The following IDUA variants were observed in gnomAD, a reference collection of about 807,000 sequenced individuals.
IDUA encodes the protein alpha-L-iduronidase, also known as iduronidase alpha-L-.
A neutral mutation model predicts 68.9 loss-of-function variants in IDUA; 65 were observed. That is an observed-to-expected ratio of 0.94 (90% CI 0.77 to 1.16). The LOEUF (loss-of-function observed/expected upper bound fraction) is 1.16, where lower values mean the gene tolerates loss of function less well. Among genes scored for constraint, IDUA ranks in the 50% most tolerant of loss-of-function variants. The probability of loss-of-function intolerance (pLI) is 0.00; values close to 1 mark genes in which losing one functional copy is unlikely to be tolerated. For synonymous variants in IDUA, 529 were observed against 433.6 expected, an observed-to-expected ratio of 1.22 and a Z score of -2.73; for missense variants, 1,046 against 938.0, an observed-to-expected ratio of 1.12 and a Z score of -1.50.
rs778314567 is a variant in IDUA, at chr4:1,003,107, C to T, written c.1474C>T (p.Arg492Trp). ...SPDGEWRRLG[R>W]PVFPTAEQFR... is the part of the protein sequence containing the mutation. ...CGACGGCGAGTGGCGGCGCCTGGGC[C>T]GGCCCGTCTTCCCCACGGCAGAGCA... The change falls in exon 10 of 14, where the codon CGG (arginine) becomes TGG (tryptophan). Residue 492 changes from arginine (R) to tryptophan (W), a missense_variant. Transcript: ENST00000514224. 3 of 1,513,958 alleles carry T rather than the reference C, an allele frequency of 2.0e-6. No homozygotes were observed. Among genetic ancestry groups the T allele is most frequent in the African/African-American group, 1.4e-5 (1 of 69,812 alleles). The allele number at this position is 1,513,958 out of a possible 1,614,324, so 93.8% of individuals were successfully genotyped here.
In IDUA at chr4:1,002,873, A is replaced by G. The variant is rs1316884593; in HGVS notation, c.1331A>G (p.Asp444Gly). Reference sequence around the variant, plus strand: ...GCCGCGGTGCTGATCTACGCGAGCGACGACACCCGCGCCCACCCCAACCGC... The same window carrying G: ...GCCGCGGTGCTGATCTACGCGAGCGGCGACACCCGCGCCCACCCCAACCGC... Reference protein sequence around the residue: ...WRAAVLIYASDDTRAHPNRSV... With the variant: ...WRAAVLIYASGDTRAHPNRSV... Residue 444 changes from aspartate to glycine, a missense_variant, in exon 9 of 14, where the codon GAC becomes GGC. By Grantham distance (94) the Asp-to-Gly change is moderately conservative. Transcript: ENST00000514224. The G allele has an allele frequency of 2.8e-6, 4 of 1,442,282 alleles. No homozygotes were observed. Among genetic ancestry groups the G allele is most frequent in the Non-Finnish European group, 3.6e-6 (4 of 1,103,618 alleles). The allele number at this position is 1,442,282 out of a possible 1,614,324, so 89.3% of individuals were successfully genotyped here. A position where few individuals can be genotyped will look rare whatever the true frequency, so the allele number is the denominator to read the frequency against.
intron 5 of IDUA, 39 bp from the exon 6 acceptor site, chr4:1,001,640 C>T (rs1278431493): frequency 2.5e-6 from 4 of 1,606,178 alleles, no homozygotes; most frequent in East Asian, 4.5e-5. Flanking sequence ...AGCCGCTCAT[C>T]CCCAGGGCAG....
chr4:990,211 C>T (rs1198495560), intron 2 of IDUA: 3 of 1,563,542 alleles, frequency 1.9e-6, no homozygotes, highest in Middle Eastern at 1.7e-4. Context: ...GACCACCATG[C>T]CGGGCCCCTG....
intron 4 of IDUA, 135 bp from the exon 5 acceptor site, chr4:1,001,333 G>A: frequency 3.6e-6 from 3 of 823,832 alleles, no homozygotes; most frequent in African/African-American, 3.3e-5. Flanking sequence ...TCCTGATGTG[G>A]GGCGGGAGGC....
chr4:1,000,861 G>A (rs922264608), intron 3 of IDUA, 21 bp from the exon 4 acceptor site: 1 of 1,599,150 alleles, frequency 6.3e-7, no homozygotes, highest in Non-Finnish European at 8.6e-7. Flanking sequence ...TGGGCGGTGG[G>A]GCAGCCCTCC....
rs1715173905 is a variant in IDUA, at chr4:1,002,718, C to G, written c.1190-14C>G. On this transcript the variant is annotated splice_polypyrimidine_tract_variant and intron_variant, in intron 8 of 13. Transcript: ENST00000514224. Reference sequence around the variant, plus strand: ...AACGACCCCACGCGGCGACGGCCCCCCCCCGCCCCGCAGATGAGGAGCAGC... The same window carrying G: ...AACGACCCCACGCGGCGACGGCCCCGCCCCGCCCCGCAGATGAGGAGCAGC... 6.9e-7 allele frequency: 1 copy of G among 1,443,524 alleles called. No individual in the cohort carries two copies. The highest frequency in any genetic ancestry group is 2.9e-5 in the East Asian group (1 of 34,940). 89.4% of individuals were successfully genotyped at this position (1,443,524 alleles called of 1,614,324 possible).
At position 1,002,004 on chromosome 4, in the gene IDUA, T is replaced by C. The variant is rs376573681; in HGVS notation, c.815T>C (p.Ile272Thr). 4 of 1,592,504 alleles carry C rather than the reference T, an allele frequency of 2.5e-6. No homozygotes were observed. Among genetic ancestry groups the C allele is most frequent in the Non-Finnish European group, 3.4e-6 (4 of 1,171,382 alleles). ...HRKGARSSIS[I>T]LEQEKVVAQQ... The stretch of plus-strand genomic sequence containing the variant: ...CAGGGTGCGCGCAGCTCCATCTCCA[T>C]CCTGGAGCAGGAGAAGGTCGTCGCG... The change falls in exon 7 of 14, where the codon ATC becomes ACC. Residue 272 changes from isoleucine (I) to threonine (T), a missense_variant. Transcript: ENST00000514224.
At chr4:991,122 C>T in intron 2 of IDUA, 1 of 1,532,272 alleles carries the variant, frequency 6.5e-7, no homozygotes, top group Non-Finnish European at 8.8e-7. Flanking sequence ...AAGCAGGGCT[C>T]CTCACCTGGT....
Position 989,888 on chromosome 4 carries a change from C to T in IDUA, c.299+1939C>T, listed in dbSNP as rs757517635. On this transcript the variant is annotated intron_variant, in intron 2 of 13. Transcript: ENST00000514224. ...AGCGAGATGGAGAAGGCGGCAGCCA[C>T]GAGGGCCAGGGCCACGGCATCCAAA... is the stretch of plus-strand genomic sequence containing the variant. 2.3e-5 allele frequency: 36 copies of T among 1,569,796 alleles called. No individual in the cohort carries two copies. The highest frequency in any genetic ancestry group is 2.9e-5 in the Non-Finnish European group (34 of 1,158,466).
chr4:1,002,153 G>C lies in IDUA; in HGVS notation c.964G>C (p.Val322Leu). 2 of 1,556,952 alleles carry C rather than the reference G, an allele frequency of 1.3e-6. No individual in the cohort carries two copies. The highest frequency in any genetic ancestry group is 1.7e-6 in the Non-Finnish European group (2 of 1,150,642). Residue 322 changes from valine (V) to leucine (L), a missense_variant, in exon 7 of 14, where the codon GTG becomes CTG. Transcript: ENST00000514224. The stretch of plus-strand genomic sequence containing the variant: ...GGCGGACGTGACCTACGCGGCCATG[G>C]TGGTGAAGGTGGGCCGGCCCAACGC... ...WRADVTYAAM[V>L]VKVIAQHQNL...
rs757152375 is a variant in IDUA, at chr4:989,441, T to C, written c.299+1492T>C. On this transcript the variant is annotated intron_variant, in intron 2 of 13. Transcript: ENST00000514224. The stretch of plus-strand genomic sequence containing the variant: ...GGGCGTTGGGTGCGGCCGGCCAGGC[T>C]GAGCAGCGAGAGGATGACGCCAGCC... 4 of 1,554,258 alleles carry C rather than the reference T, an allele frequency of 2.6e-6. No homozygotes were observed. In the South Asian group the frequency reaches 4.7e-5, roughly 18 times the overall value.
At chr4:993,859 C>T (rs565103874) in intron 2 of IDUA, among the ~76,000 whole-genome samples, 6 of 152,316 alleles carry the variant, frequency 3.9e-5, no homozygotes, top group East Asian at 1.9e-4. Flanking sequence ...CCAAGGCTGC[C>T]GGTGCGTGCA....
intron 2 of IDUA, chr4:988,648 G>T: frequency 7.2e-7 from 1 of 1,398,594 alleles, no homozygotes; most frequent in Non-Finnish European, 9.2e-7. Flanking sequence ...TGAGTGTTTG[G>T]GTCCTGCGTG....
At chr4:990,073 C>T (rs1432207041) in intron 2 of IDUA, 12 of 1,601,334 alleles carry the variant, frequency 7.5e-6, no homozygotes, top group Non-Finnish European at 1.0e-5. Flanking sequence ...CAGCGGCACC[C>T]TCAGGCGGTG....
In IDUA at chr4:1,004,551, C is replaced by G; in HGVS notation, c.*158C>G. ...GGTACCAACGCCCCCTTTAAAGCGG[C>G]TTTGCACAGGTCAGTCTCGGGTTGA... On this transcript the variant is annotated 3_prime_UTR_variant, in exon 14 of 14. Coordinates refer to ENST00000514224, the MANE Select transcript of IDUA (RefSeq NM_000203.5). The surrounding 1 kb of genome is among the most constrained non-coding windows in gnomAD (Gnocchi z 5.0). 1 of 745,498 alleles carries G rather than the reference C, an allele frequency of 1.3e-6. No homozygotes were observed. The highest frequency in any genetic ancestry group is 2.1e-6 in the Non-Finnish European group (1 of 476,786). The allele number at this position is 745,498 out of a possible 1,614,324, so 46.2% of individuals were successfully genotyped here.
Position 1,001,882 on chromosome 4 carries a change from G to A in IDUA, c.792+1G>A, listed in dbSNP as rs1337854089. 1 of 1,579,818 alleles carries A rather than the reference G, an allele frequency of 6.3e-7. No individual in the cohort carries two copies. Among genetic ancestry groups the A allele is most frequent in the Non-Finnish European group, 8.6e-7 (1 of 1,164,816 alleles). On this transcript the variant is annotated splice_donor_variant, in intron 6 of 13. Coordinates refer to ENST00000514224, the MANE Select transcript of IDUA (RefSeq NM_000203.5). LOFTEE classifies it high-confidence loss of function. Reference sequence around the variant, plus strand: ...GGACTACATCTCCCTCCACAGGAAGGTGCGCCCTGCCCCTCCGTCCGCCCC... The same window carrying A: ...GGACTACATCTCCCTCCACAGGAAGATGCGCCCTGCCCCTCCGTCCGCCCC...
intron 2 of IDUA, among the ~76,000 whole-genome samples, chr4:999,486 A>G (rs560623740): frequency 3.1e-4 from 47 of 152,356 alleles, no homozygotes; most frequent in African/African-American, 7.5e-4. Context: ...GTCCCGTTGC[A>G]TGGTAGCCTT....
At chr4:998,567 C>T (rs1426551114) in intron 2 of IDUA, among the ~76,000 whole-genome samples, 5 of 152,164 alleles carry the variant, frequency 3.3e-5, no homozygotes, top group Admixed American at 3.3e-4. Flanking sequence ...TCACTCCAGG[C>T]TCAAGGCTGG....
intron 2 of IDUA, among the ~76,000 whole-genome samples, chr4:994,192 C>T (rs915316199): frequency 6.6e-6 from 1 of 152,188 alleles, no homozygotes; most frequent in Admixed American, 6.5e-5. Flanking sequence ...GTAATTCCAA[C>T]ACTTTGGGAG....
Sources: allele counts gnomAD v4.1 joint callset (sites outside exome capture counted in the v4.1 genomes callset), GRCh38; gene constraint gnomAD v4.1.1; non-coding constraint Gnocchi (gnomAD v3.1); transcripts MANE v1.5; gene names NCBI Gene and HGNC (gene_info 2026-07-23, HGNC 2026-07-21).